The following DSCAM variants were observed in gnomAD, a reference collection of about 807,000 sequenced individuals.
DSCAM encodes the protein DS cell adhesion molecule.
In DSCAM, 47 loss-of-function variants were observed where a neutral mutation model predicts 217.7. That is an observed-to-expected ratio of 0.22 (90% CI 0.17 to 0.28). The LOEUF (loss-of-function observed/expected upper bound fraction) is 0.28. Among genes scored for constraint, DSCAM ranks in the 10% least tolerant of loss-of-function variants. DSCAM has a pLI of 1.00. For synonymous variants in DSCAM, 1,056 were observed against 1,015.3 expected, an observed-to-expected ratio of 1.04 and a Z score of -0.76; for missense variants, 2,080 against 2,618.3, an observed-to-expected ratio of 0.79 and a Z score of 4.49.
At chr21:40,557,707 A>C (rs2076683205) in intron 3 of DSCAM, among the ~76,000 whole-genome samples, 1 of 152,174 alleles carries the variant, frequency 6.6e-6, no homozygotes, top group Non-Finnish European at 1.5e-5. Flanking sequence ...GAGTGGAAGC[A>C]ACCTGAGGCC....
At chr21:40,462,293 A>C (rs1460968058) in intron 3 of DSCAM, among the ~76,000 whole-genome samples, 1 of 152,222 alleles carries the variant, frequency 6.6e-6, no homozygotes, top group African/African-American at 2.4e-5. Flanking sequence ...CAGTAGCAGA[A>C]GTGTCACCTG....
chr21:40,544,102 T>G (rs1355012634), intron 3 of DSCAM, among the ~76,000 whole-genome samples: 1 of 152,150 alleles, frequency 6.6e-6, no homozygotes, highest in African/African-American at 2.4e-5. Context: ...TGAAATTTCC[T>G]GCAGCATCAG....
chr21:40,600,525 C>G (rs1222351800), intron 3 of DSCAM, among the ~76,000 whole-genome samples: 3 of 152,166 alleles, frequency 2.0e-5, no homozygotes, highest in African/African-American at 7.2e-5. Context: ...ACATCCAGAC[C>G]ATAGCACCAA....
At chr21:40,399,378 AG>A (rs781144965) in intron 3 of DSCAM, among the ~76,000 whole-genome samples, 118 of 152,322 alleles carry the variant, frequency 7.7e-4, no homozygotes, top group Non-Finnish European at 1.3e-3. Context: ...TGGGTGGAAA[AG>A]GGTTTCTATA....
rs140763433 is a variant in DSCAM at position 40,065,617 on chromosome 21, C to T, written c.4889-2718G>A. 1.7e-4 allele frequency among the ~76,000 whole-genome samples: 26 copies of T among 152,284 alleles called. No homozygotes were observed. The East Asian group carries it at 5.0e-3, about 29-fold the overall frequency. The stretch of plus-strand genomic sequence containing the variant: ...TGCCACTCCACGGTTGGGGTCGGTG[C>T]TCCTGCTGCACACCTAGTGTCCTTC... On this transcript the variant is annotated intron_variant, in intron 27 of 32. Coordinates refer to ENST00000400454, the MANE Select transcript of DSCAM (RefSeq NM_001389.5).
At chr21:40,142,765 C>A in intron 17 of DSCAM, 61 bp from the exon 18 acceptor site, 30 of 1,479,518 alleles carry the variant, frequency 2.0e-5, no homozygotes, top group Middle Eastern at 1.8e-4. Context: ...AAGCAATAAC[C>A]GAAAAAGCAA....
chr21:40,190,825 G>C (rs1286566891), intron 11 of DSCAM, among the ~76,000 whole-genome samples: 3 of 152,174 alleles, frequency 2.0e-5, no homozygotes, highest in African/African-American at 7.2e-5. Context: ...CACCATGATT[G>C]AGAACCAGCC....
At chr21:40,375,452 T>C (rs1471415821) in intron 3 of DSCAM, among the ~76,000 whole-genome samples, 1 of 152,246 alleles carries the variant, frequency 6.6e-6, no homozygotes, top group African/African-American at 2.4e-5. Flanking sequence ...GTACTTCTTT[T>C]AATTGCTCTG....
intron 3 of DSCAM, among the ~76,000 whole-genome samples, chr21:40,517,536 C>T (rs760782544): frequency 6.6e-6 from 1 of 152,032 alleles, no homozygotes; most frequent in Non-Finnish European, 1.5e-5. Flanking sequence ...ACAAGGTTGA[C>T]TCAGGTAATC....
chr21:40,492,524 A>C (rs2076084025), intron 3 of DSCAM, among the ~76,000 whole-genome samples: 1 of 151,902 alleles, frequency 6.6e-6, no homozygotes. Context: ...CAATATTAGA[A>C]ATTTAGCAGT....
intron 18 of DSCAM, among the ~76,000 whole-genome samples, chr21:40,141,975 T>C (rs950505234): frequency 7.0e-6 from 1 of 143,114 alleles, no homozygotes; most frequent in Admixed American, 6.9e-5. Flanking sequence ...CCACTTGAAA[T>C]ACACACACAC....
chr21:40,615,974 G>A (rs1568939357), intron 3 of DSCAM, among the ~76,000 whole-genome samples: 2 of 151,810 alleles, frequency 1.3e-5, no homozygotes, highest in African/African-American at 2.4e-5. Context: ...AAATGATAAC[G>A]TTTTGAAATC....
At chr21:40,648,158 A>G (rs1341319702) in intron 3 of DSCAM, among the ~76,000 whole-genome samples, 1 of 151,992 alleles carries the variant, frequency 6.6e-6, no homozygotes, top group East Asian at 1.9e-4. Flanking sequence ...TGCTGCATGT[A>G]TATCTGGGGT....
At chr21:40,630,184 G>A (rs538416303) in intron 3 of DSCAM, among the ~76,000 whole-genome samples, 7 of 152,192 alleles carry the variant, frequency 4.6e-5, no homozygotes, top group South Asian at 4.2e-4. Context: ...ATTAGGGAAC[G>A]GACACATTTG....
chr21:40,170,081 C>T (rs533786698), intron 15 of DSCAM, among the ~76,000 whole-genome samples: 7 of 152,320 alleles, frequency 4.6e-5, no homozygotes, highest in Admixed American at 2.6e-4. Context: ...GTCCTCTCCA[C>T]GCTTTCGTTC....
chr21:40,020,162 T>A (rs2088236443), intron 32 of DSCAM, among the ~76,000 whole-genome samples: 1 of 152,174 alleles, frequency 6.6e-6, no homozygotes, highest in South Asian at 2.1e-4. Context: ...TCTCACAAGG[T>A]CTGATGGCTT....
At chr21:40,712,807 GAC>G (rs1017141739) in intron 1 of DSCAM, among the ~76,000 whole-genome samples, 1 of 147,510 alleles carries the variant, frequency 6.8e-6, no homozygotes, top group African/African-American at 2.6e-5. Context: ...TAGAAGTTGA[GAC>G]AGAGAGAGAG....
chr21:40,179,183 CCAAAAAAA>C (rs2090770025), intron 14 of DSCAM, 89 bp from the exon 15 acceptor site: 5 of 86,314 alleles, frequency 5.8e-5, no homozygotes, highest in South Asian at 4.7e-4. Context: ...GAATTAAAAA[CCAAAAAAA>C]AAAAAAAAAA....
intron 11 of DSCAM, among the ~76,000 whole-genome samples, chr21:40,265,136 G>T (rs1340556294): frequency 6.6e-6 from 1 of 151,152 alleles, no homozygotes; most frequent in Non-Finnish European, 1.5e-5. Context: ...AGGTTGCAGT[G>T]AGCCGAAATC....
Sources: allele counts gnomAD v4.1 joint callset (sites outside exome capture counted in the v4.1 genomes callset), GRCh38; gene constraint gnomAD v4.1.1; transcripts MANE v1.5; gene names NCBI Gene and HGNC (gene_info 2026-07-23, HGNC 2026-07-21).